Variants in GPC5 observed in about 807,000 individuals in gnomAD.
The protein encoded by GPC5 is glypican 5, also known as glypican-5.
Under a neutral mutation model 53.9 loss-of-function variants are expected in GPC5, and 47 were observed. The ratio of observed to expected loss-of-function variants is 0.87; its 90% CI spans 0.69 to 1.11. The LOEUF (loss-of-function observed/expected upper bound fraction) is 1.11. Ranked by LOEUF, GPC5 falls within the 50% of genes most tolerant of loss-of-function variation. The pLI is 0.00. For synonymous variants in GPC5, 286 were observed against 263.3 expected, an observed-to-expected ratio of 1.09 and a Z score of -0.84; for missense variants, 748 against 713.1, an observed-to-expected ratio of 1.05 and a Z score of -0.56.
At chr13:92,347,891 T>G (rs182780883) in intron 7 of GPC5, among the ~76,000 whole-genome samples, 1 of 16,350 alleles carries the variant, frequency 6.1e-5, no homozygotes, top group East Asian at 1.6e-3. Flanking sequence ...ATTATATATA[T>G]TATATATATA....
intron 7 of GPC5, among the ~76,000 whole-genome samples, chr13:92,639,291 A>G (rs1166906551): frequency 6.6e-6 from 1 of 152,212 alleles, no homozygotes; most frequent in Non-Finnish European, 1.5e-5. Context: ...CTGTCCTTTA[A>G]AGAATAGATT....
intron 5 of GPC5, among the ~76,000 whole-genome samples, chr13:91,791,739 A>G (rs1302546921): frequency 6.6e-6 from 1 of 152,206 alleles, no homozygotes; most frequent in African/African-American, 2.4e-5. Context: ...GGAGAGGTCC[A>G]GCATCCTATC....
intron 7 of GPC5, among the ~76,000 whole-genome samples, chr13:92,323,029 C>T (rs556746256): frequency 6.6e-6 from 1 of 151,446 alleles, no homozygotes; most frequent in South Asian, 2.1e-4. Flanking sequence ...ATCAATCTTC[C>T]CAAAAAATAT....
At chr13:91,787,631 C>T (rs987093627) in intron 5 of GPC5, among the ~76,000 whole-genome samples, 4 of 152,136 alleles carry the variant, frequency 2.6e-5, no homozygotes, top group African/African-American at 9.7e-5. Context: ...TTTTGTAAGA[C>T]AGTTTGCCTA....
intron 7 of GPC5, among the ~76,000 whole-genome samples, chr13:92,445,235 G>C (rs868354497): frequency 2.8e-5 from 4 of 141,440 alleles, no homozygotes; most frequent in Non-Finnish European, 4.6e-5. Context: ...GAGATGTATA[G>C]GTTCCTTTCC....
chr13:91,690,933 A>G (rs2035744378), intron 2 of GPC5, among the ~76,000 whole-genome samples: 1 of 152,208 alleles, frequency 6.6e-6, no homozygotes, highest in African/African-American at 2.4e-5. Context: ...AAATTAAGTA[A>G]TTTTAAAACA....
chr13:92,616,629 C>A (rs1165018432), intron 7 of GPC5, among the ~76,000 whole-genome samples: 2 of 152,070 alleles, frequency 1.3e-5, no homozygotes, highest in East Asian at 1.9e-4. Flanking sequence ...TGGATACATC[C>A]AATTGCTGAT....
intron 7 of GPC5, among the ~76,000 whole-genome samples, chr13:92,858,199 G>A (rs1010210665): frequency 8.5e-5 from 13 of 152,254 alleles, no homozygotes; most frequent in African/African-American, 3.1e-4. Context: ...GACCTGGTTG[G>A]AGGTAATTGA....
Position 92,758,994 on chromosome 13 carries a change from G to GTTTTTTTTTTT in GPC5, c.1562-107273_1562-107263dup, listed in dbSNP as rs68182839. Among the ~76,000 whole-genome samples the GTTTTTTTTTTT allele has an allele frequency of 2.1e-4, 15 of 70,566 alleles. 2 individuals carry two copies. The highest frequency in any genetic ancestry group is 5.4e-4 in the African/African-American group (8 of 14,748). The allele number at this position is 70,566 out of a possible 152,430, so 46.3% of individuals were successfully genotyped here. On this transcript the variant is annotated intron_variant, in intron 7 of 7. Transcript: ENST00000377067. ...CAGAGAATATCCTTTTCCCATTGCGGTTTTTTTTTTTTTTTTTTTTTTTTT... is the reference window on the plus strand; with the variant it reads ...CAGAGAATATCCTTTTCCCATTGCGGTTTTTTTTTTTTTTTTTTTTTTTTTTTTTTTTTTTT...
intron 2 of GPC5, among the ~76,000 whole-genome samples, chr13:91,529,877 G>A (rs1886258508): frequency 6.6e-6 from 1 of 152,146 alleles, no homozygotes; most frequent in Admixed American, 6.5e-5. Flanking sequence ...AAGTGGGTCT[G>A]AGCTGGGACT....
At chr13:92,270,876 A>G (rs2042834965) in intron 7 of GPC5, among the ~76,000 whole-genome samples, 3 of 152,212 alleles carry the variant, frequency 2.0e-5, no homozygotes, top group South Asian at 2.1e-4. Flanking sequence ...GATCTCTTCT[A>G]TGCTTATATA....
chr13:92,382,983 A>G (rs1221026788), intron 7 of GPC5, among the ~76,000 whole-genome samples: 3 of 135,300 alleles, frequency 2.2e-5, no homozygotes, highest in Admixed American at 8.2e-5. Flanking sequence ...AGCCTGGGCT[A>G]CAGAGCAAGA....
intron 7 of GPC5, among the ~76,000 whole-genome samples, chr13:92,449,341 C>T (rs976873483): frequency 2.6e-5 from 4 of 152,064 alleles, no homozygotes; most frequent in Non-Finnish European, 4.4e-5. Context: ...TCCTTGTTTC[C>T]AGCTTCCAGA....
intron 2 of GPC5, among the ~76,000 whole-genome samples, chr13:91,600,490 AT>A (rs1326435628): frequency 2.6e-5 from 4 of 152,152 alleles, no homozygotes; most frequent in East Asian, 1.9e-4. Context: ...TAAAAAAAAA[AT>A]GTACATCATA....
At chr13:92,175,314 C>G (rs1012466346) in intron 7 of GPC5, among the ~76,000 whole-genome samples, 4 of 152,118 alleles carry the variant, frequency 2.6e-5, no homozygotes, top group Non-Finnish European at 2.9e-5. Flanking sequence ...TACATCTATA[C>G]CATATTTTGT....
chr13:91,723,723 C>T (rs890780817), intron 3 of GPC5, among the ~76,000 whole-genome samples: 2 of 152,166 alleles, frequency 1.3e-5, no homozygotes, highest in Non-Finnish European at 2.9e-5. Context: ...TCTCTTACCT[C>T]ACCTATTGGA....
intron 2 of GPC5, among the ~76,000 whole-genome samples, chr13:91,579,624 C>CTTTTTTTTTTTTTTTTTTTTTTTTTTTT (rs3055895): frequency 9.7e-6 from 1 of 102,604 alleles, no homozygotes; most frequent in African/African-American, 3.3e-5. Context: ...TTTTCTTTTT[C>CTTTTTTTTTTTTTTTTTTTTTTTTTTTT]TTTTTTTTTT....
chr13:91,473,036 G>A (rs986576157), intron 2 of GPC5, among the ~76,000 whole-genome samples: 1 of 152,160 alleles, frequency 6.6e-6, no homozygotes, highest in Non-Finnish European at 1.5e-5. Context: ...GAGGCCTCAG[G>A]AAACTTACGA....
intron 7 of GPC5, among the ~76,000 whole-genome samples, chr13:92,783,167 A>G (rs1473422317): frequency 6.6e-6 from 1 of 152,160 alleles, no homozygotes; most frequent in Non-Finnish European, 1.5e-5. Context: ...TTATTTTCCA[A>G]CTGGTAAACC....
Sources: allele counts gnomAD v4.1 joint callset (sites outside exome capture counted in the v4.1 genomes callset), GRCh38; gene constraint gnomAD v4.1.1; transcripts MANE v1.5; gene names NCBI Gene and HGNC (gene_info 2026-07-23, HGNC 2026-07-21).